Variants in PAPSS1 observed in about 807,000 individuals in gnomAD.
The protein encoded by PAPSS1 is 3'-phosphoadenosine 5'-phosphosulfate synthase 1, also known as bifunctional 3'-phosphoadenosine 5'-phosphosulfate synthase 1.
PAPSS1 carries 50 observed loss-of-function variants against 72.0 expected under a neutral mutation model. The ratio of observed to expected loss-of-function variants is 0.69; its 90% CI spans 0.55 to 0.88. The LOEUF (loss-of-function observed/expected upper bound fraction) is 0.88. Among genes scored for constraint, PAPSS1 ranks in the 40% least tolerant of loss-of-function variants. PAPSS1 has a pLI of 0.00. For synonymous variants in PAPSS1, 261 were observed against 263.6 expected (o/e 0.99, Z 0.09); for missense variants, 657 against 782.2 (o/e 0.84, Z 1.91).
chr4:107,691,358 CAGG>C (rs1722913699), intron 3 of PAPSS1, among the ~76,000 whole-genome samples: 1 of 152,126 alleles, frequency 6.6e-6, no homozygotes, highest in African/African-American at 2.4e-5. Context: ...ACTTGAACTG[CAGG>C]AGGTTAAGTG....
Position 107,693,867 on chromosome 4 carries a change from G to A in PAPSS1, c.315C>T (p.Asp105=). 1 of 1,613,912 alleles carries A rather than the reference G, an allele frequency of 6.2e-7. No individual in the cohort carries two copies. Among genetic ancestry groups the A allele is most frequent in the Non-Finnish European group, 8.5e-7 (1 of 1,179,874 alleles). The part of the protein sequence containing the change: ...LNKNLGFSPE[D]REENVRRIAE... ...CGATGCGTCGAACATTCTCTTCTCT[G>A]TCTTCAGGACTAAAGCCAAGATTTT... Residue 105 remains aspartate (D), a synonymous_variant, in exon 3 of 12, where the codon GAC becomes GAT. Transcript: ENST00000265174.
chr4:107,668,146 A>AT (rs141917242), intron 5 of PAPSS1, among the ~76,000 whole-genome samples: 5,312 of 152,256 alleles, frequency 0.035, 286 homozygotes, highest in African/African-American at 0.12. Flanking sequence ...TAGTAGAAAC[A>AT]TTGAGTGTGT....
rs190863071 is a variant in PAPSS1, at chr4:107,696,275, T to C, written c.176-2269A>G. ...TCTACTATAAAGATACACGCACATG[T>C]ATGTTTATTGCAGCACTATTTACAA... On this transcript the variant is annotated intron_variant, in intron 2 of 11. Coordinates refer to ENST00000265174, the MANE Select transcript of PAPSS1 (RefSeq NM_005443.5). Among the ~76,000 whole-genome samples, 801 of 152,312 alleles carry C rather than the reference T, an allele frequency of 5.3e-3. 7 individuals are homozygous for C. The highest frequency in any genetic ancestry group is 5.9e-3 in the Non-Finnish European group (398 of 68,034).
In PAPSS1 at chr4:107,693,822, A is replaced by G. The variant is rs375007289; in HGVS notation, c.360T>C (p.Phe120=). ...VRRIAEVAKL[F]ADAGLVCITS... Reference sequence around the variant, plus strand: ...TGATGCACACTAAGCCAGCATCTGCAAACAGTTTAGCAACTTCTGCGATGC... The same window carrying G: ...TGATGCACACTAAGCCAGCATCTGCGAACAGTTTAGCAACTTCTGCGATGC... The change falls in exon 3 of 12, where the codon TTT becomes TTC. Residue 120 remains phenylalanine, a synonymous_variant. Coordinates refer to ENST00000265174, the MANE Select transcript of PAPSS1 (RefSeq NM_005443.5). 3.6e-5 allele frequency: 58 copies of G among 1,613,828 alleles called. No homozygotes were observed. The highest frequency in any genetic ancestry group is 1.5e-4 in the Admixed American group (9 of 59,960).
intron 2 of PAPSS1, among the ~76,000 whole-genome samples, chr4:107,696,319 A>T (rs1312783778): frequency 6.6e-6 from 1 of 152,182 alleles, no homozygotes; most frequent in Non-Finnish European, 1.5e-5. Flanking sequence ...ACATGAAACC[A>T]ACCCAAATGC....
chr4:107,643,120 G>T (rs1726595228), intron 10 of PAPSS1, among the ~76,000 whole-genome samples: 1 of 152,118 alleles, frequency 6.6e-6, no homozygotes. Flanking sequence ...AACAATAAAG[G>T]TGAGTTTCAC....
intron 1 of PAPSS1, among the ~76,000 whole-genome samples, chr4:107,710,725 A>ATC (rs138626274): frequency 1.4e-4 from 21 of 150,372 alleles, no homozygotes; most frequent in East Asian, 7.8e-4. Context: ...AACAGCTTAA[A>ATC]TCTCTCTCTC....
intron 10 of PAPSS1, among the ~76,000 whole-genome samples, chr4:107,643,177 G>A (rs945545349): frequency 3.9e-5 from 6 of 152,058 alleles, no homozygotes; most frequent in Admixed American, 2.0e-4. Context: ...GAGTATATGC[G>A]GTATGATCTG....
At chr4:107,675,759 G>A (rs2110332652) in intron 5 of PAPSS1, among the ~76,000 whole-genome samples, 1 of 152,242 alleles carries the variant, frequency 6.6e-6, no homozygotes, top group South Asian at 2.1e-4. Context: ...CAATATCCCT[G>A]GTGAACATCG....
chr4:107,693,667 G>T, intron 3 of PAPSS1, 104 bp downstream of exon 3: 1 of 741,570 alleles, frequency 1.3e-6, no homozygotes, highest in Non-Finnish European at 2.3e-6. Flanking sequence ...GGGAGGAGTA[G>T]AGTTAGCCTC....
intron 5 of PAPSS1, among the ~76,000 whole-genome samples, chr4:107,675,576 T>C (rs1007348191): frequency 6.6e-6 from 1 of 152,120 alleles, no homozygotes; most frequent in African/African-American, 2.4e-5. Flanking sequence ...CAGGACCAGA[T>C]GGATTCACAG....
intron 1 of PAPSS1, among the ~76,000 whole-genome samples, chr4:107,717,670 T>G (rs1723673179): frequency 2.0e-5 from 3 of 152,184 alleles, no homozygotes; most frequent in South Asian, 2.1e-4. Flanking sequence ...GGTAAAACAT[T>G]TCAAACTGTT....
chr4:107,667,681 T>C (rs533748491), intron 5 of PAPSS1, among the ~76,000 whole-genome samples: 1 of 152,232 alleles, frequency 6.6e-6, no homozygotes, highest in African/African-American at 2.4e-5. Context: ...TAAAATTTAC[T>C]TAGTTTATTT....
intron 1 of PAPSS1, among the ~76,000 whole-genome samples, chr4:107,707,719 C>T (rs1449145005): frequency 2.0e-5 from 3 of 152,160 alleles, no homozygotes; most frequent in African/African-American, 4.8e-5. Flanking sequence ...CATCCAGGTG[C>T]GGTCATCTCT....
chr4:107,673,435 T>G (rs142040416), intron 5 of PAPSS1, among the ~76,000 whole-genome samples: 6 of 152,132 alleles, frequency 3.9e-5, no homozygotes, highest in African/African-American at 1.4e-4. Context: ...AGTAGCCGAT[T>G]CGATCAACTG....
At position 107,631,813 on chromosome 4, in the gene PAPSS1, G is replaced by A. The variant is rs1402208285; in HGVS notation, c.1554C>T (p.Tyr518=). ...RARMVAGANF[Y]IVGRDPAGMP... is the part of the protein sequence containing the mutation. The stretch of plus-strand genomic sequence containing the variant: ...TGCCAGCAGGGTCTCGTCCAACAAT[G>A]TAAAAGTTGGCTCCTGCAACCATCC... Residue 518 remains tyrosine (Y), a synonymous_variant, in exon 11 of 12, where the codon TAC becomes TAT. Coordinates refer to ENST00000265174, the MANE Select transcript of PAPSS1 (RefSeq NM_005443.5). The A allele has an allele frequency of 3.7e-6, 6 of 1,614,072 alleles. No homozygotes were observed. The highest frequency in any genetic ancestry group is 5.1e-6 in the Non-Finnish European group (6 of 1,179,986).
At chr4:107,636,371 T>C (rs1009948676) in intron 10 of PAPSS1, among the ~76,000 whole-genome samples, 9 of 152,124 alleles carry the variant, frequency 5.9e-5, no homozygotes, top group Non-Finnish European at 1.0e-4. Flanking sequence ...ACAAAATACA[T>C]AATAGAAATG....
In PAPSS1 at chr4:107,625,880, ATTAT is replaced by A. The variant is rs1245604583; in HGVS notation, c.1736+5747_1736+5750del. Among the ~76,000 whole-genome samples the A allele has an allele frequency of 1.7e-4, 26 of 152,222 alleles. No homozygotes were observed. The East Asian group carries it at 5.0e-3, about 29-fold the overall frequency. On this transcript the variant is annotated intron_variant, in intron 11 of 11. Transcript: ENST00000265174. Reference sequence around the variant, plus strand: ...TTTTTAAAAATGACACTAACAGTACATTATTTAAAGTATACTCTGGGCCGGGCGC... The same window carrying A: ...TTTTTAAAAATGACACTAACAGTACATTAAAGTATACTCTGGGCCGGGCGC...
chr4:107,688,171 C>T (rs1722836175), intron 3 of PAPSS1, among the ~76,000 whole-genome samples: 1 of 152,162 alleles, frequency 6.6e-6, no homozygotes, highest in African/African-American at 2.4e-5. Flanking sequence ...TCTCTCTACT[C>T]CACCTGAAAT....
Sources: allele counts gnomAD v4.1 joint callset (sites outside exome capture counted in the v4.1 genomes callset), GRCh38; gene constraint gnomAD v4.1.1; transcripts MANE v1.5; gene names NCBI Gene and HGNC (gene_info 2026-07-23, HGNC 2026-07-21).